The following PIK3C2G variants were observed in gnomAD, a reference collection of about 807,000 sequenced individuals.
PIK3C2G encodes the protein phosphatidylinositol-4-phosphate 3-kinase catalytic subunit type 2 gamma.
In PIK3C2G, 168 loss-of-function variants were observed where a neutral mutation model predicts 181.1. The ratio of observed to expected loss-of-function variants is 0.93; its 90% CI spans 0.82 to 1.05. PIK3C2G has a LOEUF of 1.05. Among genes scored for constraint, PIK3C2G ranks in the 50% least tolerant of loss-of-function variants. PIK3C2G has a pLI of 0.00. For synonymous variants in PIK3C2G, 573 were observed against 592.2 expected, an observed-to-expected ratio of 0.97 and a Z score of 0.47; for missense variants, 1,869 against 1,732.8, an observed-to-expected ratio of 1.08 and a Z score of -1.40.
intron 13 of PIK3C2G, among the ~76,000 whole-genome samples, chr12:18,380,094 G>A (rs933014853): frequency 4.6e-5 from 7 of 152,228 alleles, no homozygotes; most frequent in Non-Finnish European, 7.4e-5. Flanking sequence ...GAAGAGGAGC[G>A]CCTCTGCCTT....
At chr12:18,348,758 A>T (rs904858032) in intron 11 of PIK3C2G, among the ~76,000 whole-genome samples, 1 of 152,196 alleles carries the variant, frequency 6.6e-6, no homozygotes, top group African/African-American at 2.4e-5. Context: ...TACATAACCA[A>T]TTACCCCAAA....
chr12:18,606,533 G>A (rs1320935912), intron 30 of PIK3C2G, among the ~76,000 whole-genome samples: 1 of 151,936 alleles, frequency 6.6e-6, no homozygotes, highest in Non-Finnish European at 1.5e-5. Flanking sequence ...CATTGCAATT[G>A]TAAAAAACAT....
intron 18 of PIK3C2G, among the ~76,000 whole-genome samples, chr12:18,471,755 G>T (rs530625981): frequency 6.6e-6 from 1 of 152,064 alleles, no homozygotes; most frequent in Non-Finnish European, 1.5e-5. Flanking sequence ...TATAATGTAA[G>T]ATCTTGTGTA....
the PIK3C2G span, among the ~76,000 whole-genome samples, chr12:18,722,323 A>C: frequency 1.3e-5 from 2 of 152,080 alleles, no homozygotes; most frequent in African/African-American, 2.4e-5. Context: ...TTCAAGACCT[A>C]ATTGCCTTAT....
At chr12:18,397,816 C>T (rs1172120431) in intron 15 of PIK3C2G, among the ~76,000 whole-genome samples, 1 of 152,002 alleles carries the variant, frequency 6.6e-6, no homozygotes, top group Non-Finnish European at 1.5e-5. Flanking sequence ...AACTTGTGCA[C>T]AAATGATCAC....
intron 1 of PIK3C2G, among the ~76,000 whole-genome samples, chr12:18,269,935 C>T (rs1948677098): frequency 8.1e-6 from 1 of 123,514 alleles, no homozygotes; most frequent in South Asian, 2.4e-4. Flanking sequence ...TTTGAGATGG[C>T]ATCTCTCTCC....
intron 8 of PIK3C2G, among the ~76,000 whole-genome samples, chr12:18,338,065 G>A (rs1938715637): frequency 1.3e-5 from 2 of 151,894 alleles, no homozygotes; most frequent in African/African-American, 4.8e-5. Flanking sequence ...TTTGTCTAAG[G>A]CTGAGTTTCC....
the PIK3C2G span, among the ~76,000 whole-genome samples, chr12:18,724,082 G>A: frequency 2.0e-5 from 3 of 152,072 alleles, no homozygotes; most frequent in Non-Finnish European, 4.4e-5. Flanking sequence ...TGAACTTTAC[G>A]AGAAAAGGCA....
At chr12:18,709,841 C>T in the PIK3C2G span, among the ~76,000 whole-genome samples, 1 of 152,022 alleles carries the variant, frequency 6.6e-6, no homozygotes, top group African/African-American at 2.4e-5. Context: ...TTCTTTCATC[C>T]ATGTTTTATA....
chr12:18,592,395 C>G (rs1334994292), intron 29 of PIK3C2G, among the ~76,000 whole-genome samples: 2 of 151,824 alleles, frequency 1.3e-5, no homozygotes, highest in East Asian at 1.9e-4. Flanking sequence ...AAAGACAAGA[C>G]AGAATTCACT....
chr12:18,481,765 G>T (rs558594047), intron 18 of PIK3C2G, among the ~76,000 whole-genome samples: 83 of 152,216 alleles, frequency 5.5e-4, no homozygotes, highest in Admixed American at 1.3e-3. Flanking sequence ...CAAAGAGAAT[G>T]ATTTCAGCCT....
Position 18,424,354 on chromosome 12 carries a change from G to A in PIK3C2G, c.2504+315G>A, listed in dbSNP as rs114503914. On this transcript the variant is annotated intron_variant, in intron 18 of 32. Coordinates refer to ENST00000538779, the MANE Select transcript of PIK3C2G (RefSeq NM_001288772.2). ...ATATCTACTCCTTGAAGATTTTAAT[G>A]TAAAATCTAGTTATGAGACTGAATG... 3.1e-3 allele frequency among the ~76,000 whole-genome samples: 479 copies of A among 152,236 alleles called. 3 individuals carry two copies. The highest frequency in any genetic ancestry group is 0.011 in the African/African-American group (467 of 41,538).
chr12:18,539,896 T>G (rs141158688), intron 25 of PIK3C2G, among the ~76,000 whole-genome samples: 6 of 151,894 alleles, frequency 4.0e-5, no homozygotes, highest in African/African-American at 1.4e-4. Context: ...TTTTCAGTAA[T>G]AGCCAAGGAT....
chr12:18,352,841 C>T (rs558053648), intron 11 of PIK3C2G, among the ~76,000 whole-genome samples: 1 of 152,276 alleles, frequency 6.6e-6, no homozygotes, highest in Non-Finnish European at 1.5e-5. Flanking sequence ...CAAGCTGCAT[C>T]TTGCCGATGT....
chr12:18,337,099 T>C (rs1411731846), intron 8 of PIK3C2G, among the ~76,000 whole-genome samples: 1 of 152,114 alleles, frequency 6.6e-6, no homozygotes, highest in Non-Finnish European at 1.5e-5. Context: ...ACGGTGGTGC[T>C]GGTGACAAAA....
intron 12 of PIK3C2G, 103 bp downstream of exon 12, chr12:18,362,989 C>T (rs1264929505): frequency 2.4e-6 from 2 of 848,898 alleles, no homozygotes; most frequent in Non-Finnish European, 3.5e-6. Context: ...AAATATGCTG[C>T]CAGTTGATTT....
At chr12:18,705,587 C>T in the PIK3C2G span, among the ~76,000 whole-genome samples, 1 of 152,096 alleles carries the variant, frequency 6.6e-6, no homozygotes, top group African/African-American at 2.4e-5. Flanking sequence ...TTATACTGGC[C>T]AGGCTCAGTG....
At chr12:18,314,193 A>T in intron 6 of PIK3C2G, 129 bp downstream of exon 6, 1 of 584,882 alleles carries the variant, frequency 1.7e-6, no homozygotes, top group South Asian at 2.3e-5. Context: ...AAATATATTC[A>T]TTGAAACATG....
At chr12:18,589,207 T>C (rs1463128221) in intron 29 of PIK3C2G, among the ~76,000 whole-genome samples, 7 of 151,800 alleles carry the variant, frequency 4.6e-5, no homozygotes, top group African/African-American at 1.7e-4. Flanking sequence ...GAAAGAAGAT[T>C]AAAGTTTTAA....
Sources: gnomAD v4.1 joint callset for allele counts (sites outside exome capture counted in the v4.1 genomes callset) on GRCh38, gnomAD v4.1.1 for gene constraint, MANE v1.5 for transcripts, NCBI Gene and HGNC (gene_info 2026-07-23, HGNC 2026-07-21) for gene names.